The following AQP4 variants were observed in gnomAD, a reference collection of about 807,000 sequenced individuals.
AQP4 encodes the protein aquaporin 4.
AQP4 carries 18 observed loss-of-function variants against 27.8 expected under a neutral mutation model. That is an observed-to-expected ratio of 0.65 (90% CI 0.45 to 0.96). The LOEUF (loss-of-function observed/expected upper bound fraction) is 0.96, where lower values mean the gene tolerates loss of function less well. Among genes scored for constraint, AQP4 ranks in the 40% least tolerant of loss-of-function variants. AQP4 has a pLI of 0.00. For missense variants in AQP4, 412 were observed against 408.2 expected (o/e 1.01, Z -0.08); for synonymous variants, 141 against 142.9 (o/e 0.99, Z 0.10).
intron 4 of AQP4, 129 bp downstream of exon 4, chr18:26,860,643 T>C (rs1260322349): frequency 4.9e-6 from 4 of 823,592 alleles, no homozygotes; most frequent in Non-Finnish European, 6.3e-6. Context: ...ATGAAAGATG[T>C]AATAAAGTGA....
Position 26,862,334 on chromosome 18 carries a change from C to A in AQP4, c.295G>T (p.Ala99Ser). ...GHISGGHINP[A>S]VTVAMVCTRK... Reference sequence around the variant, plus strand: ...GTGCACACCATGGCCACAGTCACTGCAGGGTTGATGTGGCCACCGCTGATA... The same window carrying A: ...GTGCACACCATGGCCACAGTCACTGAAGGGTTGATGTGGCCACCGCTGATA... Residue 99 changes from alanine to serine, a missense_variant, in exon 2 of 5, where the codon GCA becomes TCA. Transcript: ENST00000383168. The A allele has an allele frequency of 6.2e-7, 1 of 1,614,202 alleles. No individual in the cohort carries two copies. Among genetic ancestry groups the A allele is most frequent in the Non-Finnish European group, 8.5e-7 (1 of 1,180,028 alleles).
chr18:26,865,020 C>T lies in AQP4; in HGVS notation c.32+638G>A, dbSNP rs1035606967. ...CACCAACACAAAACATAAACATGCT[C>T]TTTAAGAATGTTTTTAGCTTTTTTT... On this transcript the variant is annotated intron_variant, in intron 1 of 4. Coordinates refer to ENST00000383168, the MANE Select transcript of AQP4 (RefSeq NM_001650.7). 3.3e-5 allele frequency among the ~76,000 whole-genome samples: 5 copies of T among 150,874 alleles called. No homozygotes were observed. In the East Asian group the frequency reaches 7.8e-4, roughly 23 times the overall value.
In AQP4 at chr18:26,862,537, G is replaced by C. The variant is rs776354988; in HGVS notation, c.92C>G (p.Thr31Ser). The change falls in exon 2 of 5, where the codon ACT becomes AGT. Residue 31 changes from threonine to serine, a missense_variant. Physicochemically the swap from Thr to Ser is moderately conservative, Grantham distance 58 (BLOSUM62 1). Coordinates refer to ENST00000383168, the MANE Select transcript of AQP4 (RefSeq NM_001650.7). ...TGTGACTGCTTTCCAGAAAGCTTGA[G>C]TCCAGACCCCTTTGAAAGCCACCAT... ...NIMVAFKGVWTQAFWKAVTAE... is the reference protein window; with the variant it reads ...NIMVAFKGVWSQAFWKAVTAE... 1.8e-5 allele frequency: 29 copies of C among 1,614,040 alleles called. No homozygotes were observed. In the South Asian group the frequency reaches 3.2e-4, roughly 18 times the overall value.
chr18:26,858,748 C>A (rs2054887598), intron 4 of AQP4, among the ~76,000 whole-genome samples: 1 of 152,066 alleles, frequency 6.6e-6, no homozygotes, highest in Non-Finnish European at 1.5e-5. Flanking sequence ...AATAAGATAC[C>A]CAGCTGCATG....
rs371116956 is a variant in AQP4 at position 26,856,316 on chromosome 18, C to T, written c.867G>A (p.Thr289=). 42 of 1,614,092 alleles carry T rather than the reference C, an allele frequency of 2.6e-5. No homozygotes were observed. Among genetic ancestry groups the T allele is most frequent in the Non-Finnish European group, 3.2e-5 (38 of 1,180,042 alleles). ...EVEDNRSQVE[T]DDLILKPGVV... Reference sequence around the variant, plus strand: ...CTCCAGGTTTTAGAATCAGGTCATCCGTCTCTACCTGACTCCTGTTGTCCT... The same window carrying T: ...CTCCAGGTTTTAGAATCAGGTCATCTGTCTCTACCTGACTCCTGTTGTCCT... Residue 289 remains threonine (T), a synonymous_variant, in exon 5 of 5, where the codon ACG becomes ACA. Coordinates refer to ENST00000383168, the MANE Select transcript of AQP4 (RefSeq NM_001650.7).
At chr18:26,863,061 TC>T (rs71376977) in intron 1 of AQP4, 1 of 182,378 alleles carries the variant, frequency 5.5e-6, no homozygotes, top group Non-Finnish European at 1.1e-5. Flanking sequence ...TCTGAAAATC[TC>T]CCCCTCCCCC....
chr18:26,863,350 C>T (rs1568070812), intron 1 of AQP4, among the ~76,000 whole-genome samples: 2 of 152,168 alleles, frequency 1.3e-5, no homozygotes, highest in Non-Finnish European at 2.9e-5. Context: ...AACCTCCGTC[C>T]CCAGGGAGCC....
In AQP4 at chr18:26,862,264, TGGGC is replaced by T; in HGVS notation, c.361_364del (p.Ala121SerfsTer43). 1 of 1,614,188 alleles carries T rather than the reference TGGGC, an allele frequency of 6.2e-7. No individual in the cohort carries two copies. ...TGCTCCAATGATGGCCCCCAGGCACTGGGCTGCGATGTAGAAGACAGACTTGGCG... is the reference window on the plus strand; with the variant it reads ...TGCTCCAATGATGGCCCCCAGGCACTTGCGATGTAGAAGACAGACTTGGCG... On this transcript the variant is annotated frameshift_variant, in exon 2 of 5. Coordinates refer to ENST00000383168, the MANE Select transcript of AQP4 (RefSeq NM_001650.7). LOFTEE classifies it high-confidence loss of function.
intron 1 of AQP4, 124 bp from the exon 2 acceptor site, chr18:26,862,720 C>T (rs1568070227): frequency 7.8e-7 from 1 of 1,276,202 alleles, no homozygotes; most frequent in Admixed American, 1.7e-5. Context: ...GATTTGCACA[C>T]CAAGAAAGAA....
At chr18:26,864,574 A>G (rs2055022280) in intron 1 of AQP4, among the ~76,000 whole-genome samples, 1 of 152,206 alleles carries the variant, frequency 6.6e-6, no homozygotes, top group Non-Finnish European at 1.5e-5. Context: ...ACCCTGGAGG[A>G]GACACTAAAA....
rs1047014259 is a variant in AQP4 at position 26,853,584 on chromosome 18, G to C, written c.*2627C>G. 6.6e-6 allele frequency: 1 copy of C among 152,386 alleles called. No individual in the cohort carries two copies. Among genetic ancestry groups the C allele is most frequent in the Non-Finnish European group, 1.5e-5 (1 of 68,022 alleles). The allele number at this position is 152,386 out of a possible 1,614,324, so 9.4% of individuals were successfully genotyped here. A position where few individuals can be genotyped will look rare whatever the true frequency, so the allele number is the denominator to read the frequency against. On this transcript the variant is annotated 3_prime_UTR_variant, in exon 5 of 5. Transcript: ENST00000383168. ...TATGTCTTCCCAGTTTTTCCTCTCT[G>C]ATCTCTTCTCTGTGTATCTGTCAGC...
rs1206989233 is a variant in AQP4, at chr18:26,865,661, C to G, written c.29G>C (p.Trp10Ser). 9 of 1,614,098 alleles carry G rather than the reference C, an allele frequency of 5.6e-6. No individual in the cohort carries two copies. Among genetic ancestry groups the G allele is most frequent in the Admixed American group, 5.0e-5 (3 of 60,008 alleles). ...CTTAAGGCAAAGAAGGACTTACCCC[C>G]ACCGCCTTGCTGTGGGTCTGTCACT... MSDRPTARR[W>S]GKCGPLCTRE... The change falls in exon 1 of 5, where the codon TGG becomes TCG. Residue 10 changes from tryptophan to serine, a missense_variant. Coordinates refer to ENST00000383168, the MANE Select transcript of AQP4 (RefSeq NM_001650.7).
rs564749969 is a variant in AQP4 at position 26,861,131 on chromosome 18, T to C, written c.612A>G (p.Ala204=). The C allele has an allele frequency of 9.3e-6, 15 of 1,613,978 alleles. No individual in the cohort carries two copies. Among genetic ancestry groups the C allele is most frequent in the Admixed American group, 1.7e-5 (1 of 60,006 alleles). ...TATTTAAATGGACTTGGAAACTTAC[T>C]GCAAATAAATGTCCAATTGCAACAG... The part of the protein sequence containing the change: ...GFSVAIGHLF[A]INYTGASMNP... Residue 204 remains alanine (A), a splice_region_variant and synonymous_variant, in exon 3 of 5, where the codon GCA becomes GCG. Coordinates refer to ENST00000383168, the MANE Select transcript of AQP4 (RefSeq NM_001650.7).
At chr18:26,860,446 T>A (rs1009606565) in intron 4 of AQP4, among the ~76,000 whole-genome samples, 7 of 152,202 alleles carry the variant, frequency 4.6e-5, no homozygotes, top group African/African-American at 1.7e-4. Context: ...CATGCTGACT[T>A]TAACTTGTTC....
chr18:26,855,475 A>G lies in AQP4; in HGVS notation c.*736T>C, dbSNP rs573445785. ...TGATGATAACTTTGCCTCTGCCTCT[A>G]CAAGATTTTACGAGTCTGCTTGTCT... On this transcript the variant is annotated 3_prime_UTR_variant, in exon 5 of 5. Coordinates refer to ENST00000383168, the MANE Select transcript of AQP4 (RefSeq NM_001650.7). 1.3e-5 allele frequency: 2 copies of G among 152,456 alleles called. No individual in the cohort carries two copies. The highest frequency in any genetic ancestry group is 2.9e-5 in the Non-Finnish European group (2 of 68,148). 9.4% of individuals were successfully genotyped at this position (152,456 alleles called of 1,614,324 possible). A position where few individuals can be genotyped will look rare whatever the true frequency, so the allele number is the denominator to read the frequency against.
chr18:26,860,822 C>T lies in AQP4; in HGVS notation c.643G>A (p.Ala215Thr), dbSNP rs148498248. ...ATAACTGCAGGTCCAAAGGATCGGG[C>T]GGGATTCATGCTGGCACCAGTATAA... ...INYTGASMNP[A>T]RSFGPAVIMG... The change falls in exon 4 of 5, where the codon GCC becomes ACC. Residue 215 changes from alanine (A) to threonine (T), a missense_variant. Coordinates refer to ENST00000383168, the MANE Select transcript of AQP4 (RefSeq NM_001650.7). 24 of 1,613,840 alleles carry T rather than the reference C, an allele frequency of 1.5e-5. No individual in the cohort carries two copies. The highest frequency in any genetic ancestry group is 2.2e-5 in the South Asian group (2 of 91,084).
intron 4 of AQP4, 111 bp from the exon 5 acceptor site, chr18:26,856,600 G>T: frequency 1.6e-6 from 2 of 1,246,736 alleles, no homozygotes; most frequent in Non-Finnish European, 1.1e-6. Context: ...TTTGTGTCAT[G>T]CATCAAAAAG....
chr18:26,856,819 TTAAC>T (rs1049702438), intron 4 of AQP4, among the ~76,000 whole-genome samples: 4 of 152,306 alleles, frequency 2.6e-5, no homozygotes, highest in African/African-American at 7.2e-5. Context: ...TAAGAATTCT[TTAAC>T]TAAAATAAAA....
chr18:26,859,862 T>G (rs2054908703), intron 4 of AQP4, among the ~76,000 whole-genome samples: 1 of 152,196 alleles, frequency 6.6e-6, no homozygotes. Context: ...TATTCATGAA[T>G]TTTTTAAAGT....
Sources: allele counts gnomAD v4.1 joint callset (sites outside exome capture counted in the v4.1 genomes callset), GRCh38; gene constraint gnomAD v4.1.1; transcripts MANE v1.5; gene names NCBI Gene and HGNC (gene_info 2026-07-23, HGNC 2026-07-21).